EDIL3: variants seen among roughly 807,000 people sequenced by gnomAD.
The protein encoded by EDIL3 is EGF like and discoidin domains 3.
A neutral mutation model predicts 67.4 loss-of-function variants in EDIL3; 37 were observed. That is an observed-to-expected ratio of 0.55 (90% CI 0.42 to 0.72). EDIL3 has a LOEUF of 0.72. Among genes scored for constraint, EDIL3 ranks in the 30% least tolerant of loss-of-function variants. The pLI is 0.00. For synonymous variants in EDIL3, 195 were observed against 196.3 expected (o/e 0.99, Z 0.05); for missense variants, 527 against 586.3 (o/e 0.90, Z 1.04).
intron 4 of EDIL3, among the ~76,000 whole-genome samples, chr5:84,139,518 C>T (rs944155886): frequency 6.6e-6 from 1 of 152,092 alleles, no homozygotes; most frequent in Non-Finnish European, 1.5e-5. Flanking sequence ...ACATGAAATG[C>T]TACTTATTGT....
At chr5:83,975,933 T>C (rs1486578626) in intron 9 of EDIL3, among the ~76,000 whole-genome samples, 1 of 151,934 alleles carries the variant, frequency 6.6e-6, no homozygotes, top group African/African-American at 2.4e-5. Flanking sequence ...AGAGGTTATT[T>C]TGACATGCCT....
chr5:84,268,895 T>C (rs1745406278), intron 1 of EDIL3, among the ~76,000 whole-genome samples: 1 of 152,146 alleles, frequency 6.6e-6, no homozygotes, highest in South Asian at 2.1e-4. Context: ...CCATATCCCA[T>C]CACTAATTTG....
rs114310977 is a variant in EDIL3, at chr5:84,235,353, T to C, written c.197-5469A>G. On this transcript the variant is annotated intron_variant, in intron 2 of 10. Coordinates refer to ENST00000296591, the MANE Select transcript of EDIL3 (RefSeq NM_005711.5). ...TGTGAGGCACAGCATTGGATTTGCATAGAAAATGCTTGAATAATCAAAATG... is the reference window on the plus strand; with the variant it reads ...TGTGAGGCACAGCATTGGATTTGCACAGAAAATGCTTGAATAATCAAAATG... Among the ~76,000 whole-genome samples the C allele has an allele frequency of 3.7e-3, 562 of 152,286 alleles. 5 individuals carry two copies. The highest frequency in any genetic ancestry group is 0.013 in the African/African-American group (541 of 41,576).
chr5:84,341,625 T>C (rs1286991946), intron 1 of EDIL3, among the ~76,000 whole-genome samples: 1 of 152,068 alleles, frequency 6.6e-6, no homozygotes, highest in Non-Finnish European at 1.5e-5. Context: ...CTCAAATCCT[T>C]TTGAGATCAG....
At chr5:84,082,026 C>G (rs866033121) in intron 6 of EDIL3, among the ~76,000 whole-genome samples, 92 of 152,296 alleles carry the variant, frequency 6.0e-4, no homozygotes, top group African/African-American at 2.1e-3. Context: ...TAACCGAAAA[C>G]AGAATTCTCT....
At chr5:84,257,240 G>A (rs545119037) in intron 1 of EDIL3, among the ~76,000 whole-genome samples, 2 of 152,142 alleles carry the variant, frequency 1.3e-5, no homozygotes, top group South Asian at 4.2e-4. Flanking sequence ...ATGCTAAATC[G>A]AGTCAATTTT....
chr5:84,311,779 G>C (rs887667884), intron 1 of EDIL3, among the ~76,000 whole-genome samples: 2 of 152,076 alleles, frequency 1.3e-5, no homozygotes, highest in Non-Finnish European at 1.5e-5. Context: ...GCATGCTGCC[G>C]TCAAGCATCT....
At chr5:84,297,354 G>A (rs767709971) in intron 1 of EDIL3, among the ~76,000 whole-genome samples, 1 of 152,060 alleles carries the variant, frequency 6.6e-6, no homozygotes, top group Non-Finnish European at 1.5e-5. Context: ...CAGTCAGAAT[G>A]ACAATTATAA....
chr5:84,176,251 GTATATATAT>G (rs1748912847), intron 4 of EDIL3, among the ~76,000 whole-genome samples: 2 of 123,076 alleles, frequency 1.6e-5, no homozygotes, highest in Admixed American at 8.4e-5. Context: ...ATAATATATT[GTATATATAT>G]TATATATATT....
intron 1 of EDIL3, among the ~76,000 whole-genome samples, chr5:84,329,280 A>C (rs1044826837): frequency 6.6e-6 from 1 of 152,112 alleles, no homozygotes; most frequent in African/African-American, 2.4e-5. Context: ...AAGACTGGAA[A>C]ACAGGAAAAG....
At chr5:84,142,992 G>A (rs541263093) in intron 4 of EDIL3, among the ~76,000 whole-genome samples, 4 of 151,934 alleles carry the variant, frequency 2.6e-5, no homozygotes, top group African/African-American at 9.6e-5. Context: ...CATCTTCCCT[G>A]GGCTCCCCAT....
chr5:84,021,970 G>T (rs1027715694), intron 9 of EDIL3, among the ~76,000 whole-genome samples: 4 of 151,860 alleles, frequency 2.6e-5, no homozygotes, highest in Admixed American at 6.6e-5. Context: ...TCTACCAAAT[G>T]TATAAAGAAG....
chr5:84,048,089 A>G (rs1456756983), intron 9 of EDIL3: 2 of 270,264 alleles, frequency 7.4e-6, no homozygotes, highest in East Asian at 2.1e-4. Flanking sequence ...GAAGAACGGA[A>G]GCTGTCTCAC....
At chr5:84,154,706 T>TC (rs2112333346) in intron 4 of EDIL3, among the ~76,000 whole-genome samples, 2 of 148,304 alleles carry the variant, frequency 1.3e-5, no homozygotes, top group African/African-American at 4.9e-5. Flanking sequence ...TTTTTTTTTT[T>TC]TTTTTTTTTT....
At chr5:83,988,941 T>C (rs923177613) in intron 9 of EDIL3, among the ~76,000 whole-genome samples, 3 of 152,146 alleles carry the variant, frequency 2.0e-5, no homozygotes, top group African/African-American at 7.2e-5. Flanking sequence ...ACTTGTAGAA[T>C]TGCTCAACCT....
intron 6 of EDIL3, among the ~76,000 whole-genome samples, chr5:84,070,574 C>G (rs535330572): frequency 1.5e-4 from 22 of 150,878 alleles, no homozygotes; most frequent in Admixed American, 5.9e-4. Context: ...AAGCTATATA[C>G]TAATAAGACA....
chr5:84,208,708 A>T (rs1322697035), intron 3 of EDIL3, among the ~76,000 whole-genome samples: 5 of 150,688 alleles, frequency 3.3e-5, no homozygotes, highest in Non-Finnish European at 7.4e-5. Flanking sequence ...AAAAAAAAAA[A>T]AAAAAGTCAG....
intron 1 of EDIL3, among the ~76,000 whole-genome samples, chr5:84,259,520 C>T (rs1462650046): frequency 6.6e-6 from 1 of 152,150 alleles, no homozygotes; most frequent in Non-Finnish European, 1.5e-5. Context: ...ATGGCAGATT[C>T]AGGCAAATTA....
chr5:84,168,199 G>A (rs902953931), intron 4 of EDIL3, among the ~76,000 whole-genome samples: 3 of 152,076 alleles, frequency 2.0e-5, no homozygotes, highest in Admixed American at 2.0e-4. Flanking sequence ...CTATTCAAAT[G>A]TAAATGATGT....
Sources: gnomAD v4.1 joint callset for allele counts (sites outside exome capture counted in the v4.1 genomes callset) on GRCh38, gnomAD v4.1.1 for gene constraint, MANE v1.5 for transcripts, NCBI Gene and HGNC (gene_info 2026-07-23, HGNC 2026-07-21) for gene names.